Variants in CLHC1 observed in about 807,000 individuals in gnomAD.
CLHC1 encodes the protein clathrin heavy chain linker domain-containing protein 1.
In CLHC1, 72 loss-of-function variants were observed where a neutral mutation model predicts 69.5. The observed-to-expected ratio is 1.04, with a 90% CI of 0.86 to 1.26. CLHC1 has a LOEUF of 1.26. Among genes scored for constraint, CLHC1 ranks in the 50% most tolerant of loss-of-function variants. The pLI, the probability that CLHC1 is intolerant of heterozygous loss-of-function variation, is 0.00. For synonymous variants in CLHC1, 223 were observed against 224.3 expected, an observed-to-expected ratio of 0.99 and a Z score of 0.05; for missense variants, 790 against 679.3, an observed-to-expected ratio of 1.16 and a Z score of -1.81.
chr2:55,190,362 C>T (rs964416391), intron 9 of CLHC1, among the ~76,000 whole-genome samples: 7 of 152,142 alleles, frequency 4.6e-5, no homozygotes, highest in African/African-American at 1.7e-4. Context: ...TTCTTAATGT[C>T]TTGCATCCAA....
intron 3 of CLHC1, among the ~76,000 whole-genome samples, chr2:55,221,827 A>C (rs572800276): frequency 6.6e-6 from 1 of 152,276 alleles, no homozygotes; most frequent in East Asian, 1.9e-4. Flanking sequence ...AATTTTAAAA[A>C]TTAGTCAGGA....
chr2:55,204,193 A>C (rs1429398306), intron 9 of CLHC1, among the ~76,000 whole-genome samples: 2 of 152,316 alleles, frequency 1.3e-5, no homozygotes, highest in East Asian at 3.9e-4. Flanking sequence ...TTAAGGTAGG[A>C]GAATCACTTG....
intron 9 of CLHC1, among the ~76,000 whole-genome samples, chr2:55,198,558 C>T (rs1671643655): frequency 6.6e-6 from 1 of 152,144 alleles, no homozygotes; most frequent in Non-Finnish European, 1.5e-5. Flanking sequence ...GCACGTGAGC[C>T]TGGGTGACAG....
chr2:55,175,046 A>T lies in CLHC1; in HGVS notation c.*744T>A, dbSNP rs934932986. 19 of 152,158 alleles carry T rather than the reference A, an allele frequency of 1.2e-4. No individual in the cohort carries two copies. The highest frequency in any genetic ancestry group is 3.4e-4 in the African/African-American group (14 of 41,430). The allele number at this position is 152,158 out of a possible 1,614,324, so 9.4% of individuals were successfully genotyped here. A position where few individuals can be genotyped will look rare whatever the true frequency, so the allele number is the denominator to read the frequency against. ...CTTGATTTGTGCCCATGCCATACTA[A>T]TCATTAAATATTTTTAATATTACAC... On this transcript the variant is annotated 3_prime_UTR_variant, in exon 13 of 13. Coordinates refer to ENST00000401408, the MANE Select transcript of CLHC1 (RefSeq NM_152385.4).
At chr2:55,177,185 C>T (rs550434061) in intron 12 of CLHC1, among the ~76,000 whole-genome samples, 1 of 152,146 alleles carries the variant, frequency 6.6e-6, no homozygotes, top group Non-Finnish European at 1.5e-5. Flanking sequence ...ATTAGTTATT[C>T]TCTAATTCAC....
Position 55,212,168 on chromosome 2 carries a change from T to C in CLHC1, c.499+505A>G, listed in dbSNP as rs554537066. The stretch of plus-strand genomic sequence containing the variant: ...GGCACGCGCCTGTAATCCCAGCTAC[T>C]TGGGAGGCCAAGGCACGAGAATCGC... On this transcript the variant is annotated intron_variant, in intron 5 of 12. Transcript: ENST00000401408. Among the ~76,000 whole-genome samples the C allele has an allele frequency of 2.6e-5, 4 of 152,226 alleles. No homozygotes were observed. The South Asian group carries it at 8.3e-4, about 32-fold the overall frequency.
At chr2:55,181,884 T>C (rs757743330) in intron 9 of CLHC1, 140 bp from the exon 10 acceptor site, 3 of 668,806 alleles carry the variant, frequency 4.5e-6, no homozygotes, top group Non-Finnish European at 7.6e-6. Flanking sequence ...TTTTAACTCA[T>C]GCTTATAGAT....
At chr2:55,193,807 CA>C (rs906054236) in intron 9 of CLHC1, among the ~76,000 whole-genome samples, 32 of 152,082 alleles carry the variant, frequency 2.1e-4, no homozygotes, top group African/African-American at 7.7e-4. Context: ...TGTAACCACA[CA>C]AAAACTTGTA....
At chr2:55,228,777 C>A (rs1350397383) in intron 1 of CLHC1, among the ~76,000 whole-genome samples, 2 of 152,146 alleles carry the variant, frequency 1.3e-5, no homozygotes, top group Non-Finnish European at 2.9e-5. Context: ...TTATTCTAGA[C>A]AATGGAGACA....
intron 9 of CLHC1, among the ~76,000 whole-genome samples, chr2:55,187,240 T>C (rs928757600): frequency 6.6e-6 from 1 of 150,420 alleles, no homozygotes. Context: ...GATCGCGCCA[T>C]TGCACTCCAG....
At chr2:55,203,851 C>T (rs1234407413) in intron 9 of CLHC1, among the ~76,000 whole-genome samples, 2 of 152,106 alleles carry the variant, frequency 1.3e-5, no homozygotes, top group Non-Finnish European at 2.9e-5. Context: ...AGAAAGGATA[C>T]AATCAACGAA....
Position 55,213,880 on chromosome 2 carries a change from G to A in CLHC1, c.366-1074C>T, listed in dbSNP as rs188281137. Among the ~76,000 whole-genome samples the A allele has an allele frequency of 7.3e-3, 1,111 of 152,296 alleles. 17 individuals carry two copies. Among genetic ancestry groups the A allele is most frequent in the Non-Finnish European group, 0.012 (835 of 68,036 alleles). ...GGGCAAGTGGGAAGTGGTAGCTAAG[G>A]AGCAGGGTGGGGTCAGTGGATGACA... On this transcript the variant is annotated intron_variant, in intron 4 of 12. Transcript: ENST00000401408.
At chr2:55,211,503 A>C (rs1227701908) in intron 5 of CLHC1, among the ~76,000 whole-genome samples, 16 of 13,640 alleles carry the variant, frequency 1.2e-3, no homozygotes, top group African/African-American at 4.5e-3. Flanking sequence ...CTATGTCTCC[A>C]AAAAAAAAAA....
At chr2:55,213,465 C>T (rs150153014) in intron 4 of CLHC1, among the ~76,000 whole-genome samples, 2 of 152,308 alleles carry the variant, frequency 1.3e-5, no homozygotes, top group African/African-American at 4.8e-5. Context: ...ATCACATCTG[C>T]AAAGACCCTT....
chr2:55,180,044 C>T (rs904329127), intron 11 of CLHC1, among the ~76,000 whole-genome samples: 3 of 151,734 alleles, frequency 2.0e-5, no homozygotes, highest in Non-Finnish European at 2.9e-5. Flanking sequence ...GTCCCAGCTA[C>T]TTGGGAGGCT....
Position 55,222,423 on chromosome 2 carries a change from T to C in CLHC1, c.-12A>G. ...TGATGAACTGACATATTTGACAATC[T>C]GCACACTTGTTCACTGAAGAACAGC... On this transcript the variant is annotated 5_prime_UTR_variant, in exon 3 of 13. Transcript: ENST00000401408. 1 of 1,610,438 alleles carries C rather than the reference T, an allele frequency of 6.2e-7. No individual in the cohort carries two copies. Among genetic ancestry groups the C allele is most frequent in the Non-Finnish European group, 8.5e-7 (1 of 1,178,268 alleles).
chr2:55,208,507 A>C, intron 8 of CLHC1, 119 bp downstream of exon 8: 1 of 637,722 alleles, frequency 1.6e-6, no homozygotes, highest in Non-Finnish European at 2.7e-6. Flanking sequence ...AAACATATCA[A>C]CATTATAATC....
intron 9 of CLHC1, among the ~76,000 whole-genome samples, chr2:55,202,305 C>A (rs1397345473): frequency 1.3e-5 from 2 of 150,962 alleles, no homozygotes; most frequent in East Asian, 3.9e-4. Context: ...CCTGTAATTC[C>A]AGCACTTTGG....
At chr2:55,193,741 T>C (rs1466574138) in intron 9 of CLHC1, among the ~76,000 whole-genome samples, 2 of 152,154 alleles carry the variant, frequency 1.3e-5, no homozygotes, top group East Asian at 1.9e-4. Context: ...AGAGCTACCA[T>C]ATAATTTAGC....
Sources: gnomAD v4.1 joint callset for allele counts (sites outside exome capture counted in the v4.1 genomes callset) on GRCh38, gnomAD v4.1.1 for gene constraint, MANE v1.5 for transcripts, NCBI Gene and HGNC (gene_info 2026-07-23, HGNC 2026-07-21) for gene names.